WDR72: variants seen among roughly 807,000 people sequenced by gnomAD.
WDR72 encodes the protein WD repeat domain 72.
A neutral mutation model predicts 124.2 loss-of-function variants in WDR72; 120 were observed. The ratio of observed to expected loss-of-function variants is 0.97; its 90% CI spans 0.83 to 1.12. The LOEUF (loss-of-function observed/expected upper bound fraction) is 1.12. WDR72 is among the 50% of genes most tolerant of loss of function. WDR72 has a pLI of 0.00. For missense variants in WDR72, 1,387 were observed against 1,278.8 expected (o/e 1.08, Z -1.29); for synonymous variants, 452 against 441.7 (o/e 1.02, Z -0.29).
Position 53,597,115 on chromosome 15 carries a change from C to G in WDR72, c.3112G>C (p.Glu1038Gln). ...LPKLEWTEEL[E>Q]LQCVRNTLPL... ...AAAGTGTTTCTAACACACTGTAACT[C>G]TAGTTCTTCTGTCCATTCCAGCTTT... Residue 1038 changes from glutamate to glutamine, a missense_variant, in exon 18 of 20, where the codon GAG becomes CAG. Transcript: ENST00000360509. 6.2e-7 allele frequency: 1 copy of G among 1,613,876 alleles called. No homozygotes were observed. Among genetic ancestry groups the G allele is most frequent in the Middle Eastern group, 1.7e-4 (1 of 6,056 alleles).
intron 18 of WDR72, among the ~76,000 whole-genome samples, chr15:53,569,007 T>C (rs1894403939): frequency 6.6e-6 from 1 of 152,032 alleles, no homozygotes; most frequent in South Asian, 2.1e-4. Context: ...CTTAGAGTAA[T>C]TGGGAGAAAT....
At chr15:53,749,581 G>A (rs966485418) in intron 1 of WDR72, among the ~76,000 whole-genome samples, 1 of 152,074 alleles carries the variant, frequency 6.6e-6, no homozygotes, top group Non-Finnish European at 1.5e-5. Flanking sequence ...AGGAAGAGTT[G>A]CACTTTTCTC....
intron 14 of WDR72, among the ~76,000 whole-genome samples, chr15:53,618,258 C>T (rs16966323): frequency 0.13 from 19,574 of 151,842 alleles, 2,883 homozygotes; most frequent in African/African-American, 0.36. Flanking sequence ...ATTTGACCTA[C>T]TTAATTTTGC....
rs1891538049 is a variant in WDR72 at position 53,517,709 on chromosome 15, T to G, written c.3299A>C (p.Lys1100Thr). ...HSWIAKVCPC[K>T]VS ...CTGATGAGATTCCATTTAAGACACC[T>G]TGCAGGGGCAGACCTTTGCTATCCA... is the stretch of plus-strand genomic sequence containing the variant. Residue 1100 changes from lysine to threonine, a missense_variant, in exon 20 of 20, where the codon AAG (lysine) becomes ACG (threonine). By Grantham distance (78) the Lys-to-Thr change is moderately conservative. Coordinates refer to ENST00000360509, the MANE Select transcript of WDR72 (RefSeq NM_182758.4). 6.2e-7 allele frequency: 1 copy of G among 1,612,938 alleles called. No homozygotes were observed. The highest frequency in any genetic ancestry group is 1.3e-5 in the African/African-American group (1 of 74,974).
chr15:53,690,163 A>G (rs1032004039), intron 13 of WDR72, among the ~76,000 whole-genome samples: 6 of 151,844 alleles, frequency 4.0e-5, no homozygotes, highest in African/African-American at 1.5e-4. Context: ...ACATGTATAC[A>G]TATGTAACTA....
chr15:53,569,586 T>C (rs899159419), intron 18 of WDR72, among the ~76,000 whole-genome samples: 2 of 152,072 alleles, frequency 1.3e-5, no homozygotes, highest in African/African-American at 2.4e-5. Context: ...CTAATATCTA[T>C]ACATCAGCTT....
At chr15:53,671,888 CA>C (rs1359720896) in intron 13 of WDR72, among the ~76,000 whole-genome samples, 1 of 149,490 alleles carries the variant, frequency 6.7e-6, no homozygotes, top group Non-Finnish European at 1.5e-5. Context: ...TAAGAAAATG[CA>C]CAGAGAGAGA....
chr15:53,536,878 T>C (rs570087427), intron 18 of WDR72, among the ~76,000 whole-genome samples: 1 of 152,336 alleles, frequency 6.6e-6, no homozygotes, highest in Admixed American at 6.5e-5. Context: ...GACATGATCC[T>C]GTTGTCTGTC....
In WDR72 at chr15:53,597,082, G is replaced by T; in HGVS notation, c.3145C>A (p.Gln1049Lys). Residue 1049 changes from glutamine (Q) to lysine (K), a missense_variant, in exon 18 of 20, where the codon CAA (glutamine) becomes AAA (lysine). Physicochemically the swap from Gln to Lys is moderately conservative, Grantham distance 53. Transcript: ENST00000360509. The part of the protein sequence containing the change: ...LQCVRNTLPL[Q>K]TPVSPVKHDS... ...TACCAATAAATTTTGTACTTACTTT[G>T]CAGAGGCAAAGTGTTTCTAACACAC... The T allele has an allele frequency of 9.9e-6, 16 of 1,613,532 alleles. No homozygotes were observed. Among genetic ancestry groups the T allele is most frequent in the Non-Finnish European group, 1.4e-5 (16 of 1,179,716 alleles).
At chr15:53,721,767 C>T (rs914018625) in intron 3 of WDR72, among the ~76,000 whole-genome samples, 1 of 152,114 alleles carries the variant, frequency 6.6e-6, no homozygotes, top group Non-Finnish European at 1.5e-5. Context: ...CAACTAGAAA[C>T]CCAATCCCTT....
At chr15:53,552,127 C>CGT (rs1566956908) in intron 18 of WDR72, among the ~76,000 whole-genome samples, 64 of 79,298 alleles carry the variant, frequency 8.1e-4, no homozygotes, top group African/African-American at 1.4e-3. Context: ...CTATACCTAT[C>CGT]ATGTGTGTGT....
intron 14 of WDR72, among the ~76,000 whole-genome samples, chr15:53,638,836 C>G (rs2014725396): frequency 6.6e-6 from 1 of 151,924 alleles, no homozygotes; most frequent in Non-Finnish European, 1.5e-5. Flanking sequence ...AACCCCGTCT[C>G]TACTAAAAAT....
chr15:53,608,296 A>G (rs758848304), intron 17 of WDR72, among the ~76,000 whole-genome samples: 1 of 152,198 alleles, frequency 6.6e-6, no homozygotes, highest in Non-Finnish European at 1.5e-5. Flanking sequence ...TAAATGGATA[A>G]AGAAAACATG....
intron 17 of WDR72, among the ~76,000 whole-genome samples, chr15:53,605,305 C>T (rs2013230663): frequency 6.6e-6 from 1 of 152,054 alleles, no homozygotes; most frequent in South Asian, 2.1e-4. Context: ...CACTTGAACA[C>T]GTAGAAGGGA....
At chr15:53,626,981 A>G (rs1438670265) in intron 14 of WDR72, among the ~76,000 whole-genome samples, 1 of 152,250 alleles carries the variant, frequency 6.6e-6, no homozygotes, top group Non-Finnish European at 1.5e-5. Context: ...TAGGAAATAT[A>G]GGCAGCAGCT....
rs200819187 is a variant in WDR72 at position 53,623,496 on chromosome 15, CACACAT to C, written c.1963-7259_1963-7254del. Among the ~76,000 whole-genome samples, 1,395 of 144,774 alleles carry C rather than the reference CACACAT, an allele frequency of 9.6e-3. 30 individuals are homozygous for C. The highest frequency in any genetic ancestry group is 0.037 in the African/African-American group (1,338 of 36,060). 95.0% of individuals were successfully genotyped at this position (144,774 alleles called of 152,430 possible). A position where few individuals can be genotyped will look rare whatever the true frequency, so the allele number is the denominator to read the frequency against. ...GCATTATATTATATATATATATATA[CACACAT>C]ACACATACACATACACACACACATA... On this transcript the variant is annotated intron_variant, in intron 14 of 19. Coordinates refer to ENST00000360509, the MANE Select transcript of WDR72 (RefSeq NM_182758.4).
intron 1 of WDR72, among the ~76,000 whole-genome samples, chr15:53,759,069 A>T (rs1390216302): frequency 6.6e-6 from 1 of 152,030 alleles, no homozygotes; most frequent in African/African-American, 2.4e-5. Flanking sequence ...CAGAGCAAGG[A>T]AAGTTTCGCC....
intron 2 of WDR72, among the ~76,000 whole-genome samples, chr15:53,729,060 C>G (rs1444743755): frequency 6.6e-6 from 1 of 152,122 alleles, no homozygotes; most frequent in Admixed American, 6.6e-5. Context: ...CCCCTTTATT[C>G]CTTATGCAAA....
At chr15:53,594,539 A>T (rs920211626) in intron 18 of WDR72, among the ~76,000 whole-genome samples, 1 of 151,960 alleles carries the variant, frequency 6.6e-6, no homozygotes, top group Non-Finnish European at 1.5e-5. Flanking sequence ...AGAAATAAAG[A>T]TAACAGTTTA....
Sources: gnomAD v4.1 joint callset for allele counts (sites outside exome capture counted in the v4.1 genomes callset) on GRCh38, gnomAD v4.1.1 for gene constraint, MANE v1.5 for transcripts, NCBI Gene and HGNC (gene_info 2026-07-23, HGNC 2026-07-21) for gene names.